USP31: variants seen among roughly 807,000 people sequenced by gnomAD.
The protein encoded by USP31 is ubiquitin specific peptidase 31.
Under a neutral mutation model 119.4 loss-of-function variants are expected in USP31, and 44 were observed. That is an observed-to-expected ratio of 0.37 (90% CI 0.29 to 0.47). The LOEUF is 0.47. Among genes scored for constraint, USP31 ranks in the 20% least tolerant of loss-of-function variants. USP31 has a pLI of 0.99. For synonymous variants in USP31, 749 were observed against 705.6 expected (o/e 1.06, Z -0.97); for missense variants, 1,643 against 1,730.2 (o/e 0.95, Z 0.89).
chr16:23,124,317 G>A (rs534681838), intron 1 of USP31, among the ~76,000 whole-genome samples: 17 of 152,210 alleles, frequency 1.1e-4, no homozygotes, highest in African/African-American at 4.1e-4. Context: ...ATATGATCAA[G>A]CCATCTAATC....
At chr16:23,079,872 C>T in intron 13 of USP31, 74 bp downstream of exon 13, 5 of 1,392,542 alleles carry the variant, frequency 3.6e-6, no homozygotes, top group Non-Finnish European at 4.8e-6. Flanking sequence ...GCTCTAAAGT[C>T]AAGTCACCCT....
chr16:23,096,249 G>A (rs1299103986), intron 6 of USP31, among the ~76,000 whole-genome samples: 1 of 152,002 alleles, frequency 6.6e-6, no homozygotes, highest in Non-Finnish European at 1.5e-5. Flanking sequence ...GAAAAAGAAG[G>A]CCATTACATA....
intron 12 of USP31, among the ~76,000 whole-genome samples, chr16:23,081,100 G>A (rs1008247630): frequency 6.6e-6 from 1 of 152,184 alleles, no homozygotes; most frequent in Non-Finnish European, 1.5e-5. Flanking sequence ...GCAAGAATGG[G>A]GAGGGGACAC....
intron 1 of USP31, among the ~76,000 whole-genome samples, chr16:23,125,842 A>C (rs1902834245): frequency 6.6e-6 from 1 of 152,260 alleles, no homozygotes; most frequent in African/African-American, 2.4e-5. Flanking sequence ...CTCCAGCTAC[A>C]GAGAGCCATA....
At chr16:23,099,292 T>C (rs1901748377) in intron 6 of USP31, among the ~76,000 whole-genome samples, 1 of 152,154 alleles carries the variant, frequency 6.6e-6, no homozygotes, top group African/African-American at 2.4e-5. Flanking sequence ...CCAATTAGAA[T>C]GGCAATCATT....
Position 23,083,578 on chromosome 16 carries a change from A to T in USP31, c.1831-1021T>A, listed in dbSNP as rs112263684. On this transcript the variant is annotated intron_variant, in intron 11 of 15. Coordinates refer to ENST00000219689, the MANE Select transcript of USP31 (RefSeq NM_020718.4). ...ATCCATTATCTTTGTGCCATTATCA[A>T]ACATCTCCAAAGTCATTAAAAAAAA... Among the ~76,000 whole-genome samples, 623 of 150,620 alleles carry T rather than the reference A, an allele frequency of 4.1e-3. 1 individual carries two copies. Among genetic ancestry groups the T allele is most frequent in the African/African-American group, 0.014 (588 of 40,790 alleles).
Position 23,062,330 on chromosome 16 carries a change from A to C in USP31, c.*5716T>G, listed in dbSNP as rs1185352775. 1 of 152,158 alleles carries C rather than the reference A, an allele frequency of 6.6e-6. No individual in the cohort carries two copies. The highest frequency in any genetic ancestry group is 1.5e-5 in the Non-Finnish European group (1 of 68,024). The allele number at this position is 152,158 out of a possible 1,614,324, so 9.4% of individuals were successfully genotyped here. On this transcript the variant is annotated 3_prime_UTR_variant, in exon 16 of 16. Transcript: ENST00000219689. Reference sequence around the variant, plus strand: ...TTACTTAATGGTAAAACAAACAAAAAACAAAACAAAACAAAAACACGAAAA... The same window carrying C: ...TTACTTAATGGTAAAACAAACAAAACACAAAACAAAACAAAAACACGAAAA...
chr16:23,061,592 AAATC>A lies in USP31; in HGVS notation c.*6450_*6453del. On this transcript the variant is annotated 3_prime_UTR_variant, in exon 16 of 16. Transcript: ENST00000219689. ...AATAAAACATACAAATAAATAACAG[AAATC>A]AGTGACACATCTCATGCACTTGTTC... 1 of 152,818 alleles carries A rather than the reference AAATC, an allele frequency of 6.5e-6. No individual in the cohort carries two copies. The highest frequency in any genetic ancestry group is 2.1e-4 in the South Asian group (1 of 4,824). 9.5% of individuals were successfully genotyped at this position (152,818 alleles called of 1,614,324 possible).
intron 1 of USP31, among the ~76,000 whole-genome samples, chr16:23,146,135 A>G (rs1216381851): frequency 1.3e-5 from 2 of 151,830 alleles, no homozygotes; most frequent in Admixed American, 1.3e-4. Context: ...ACATTTTGGA[A>G]AAGAGGAGAA....
intron 1 of USP31, among the ~76,000 whole-genome samples, chr16:23,137,218 A>C (rs1272354218): frequency 2.0e-5 from 3 of 151,924 alleles, no homozygotes; most frequent in Non-Finnish European, 4.4e-5. Flanking sequence ...GTCTCAAACA[A>C]ACAAACAAAA....
intron 13 of USP31, among the ~76,000 whole-genome samples, chr16:23,074,167 G>C (rs868113645): frequency 6.6e-6 from 1 of 152,094 alleles, no homozygotes; most frequent in Non-Finnish European, 1.5e-5. Flanking sequence ...TGTCTGTGGC[G>C]GGGGGAGTGG....
chr16:23,107,576 T>G (rs1318732384), intron 2 of USP31, among the ~76,000 whole-genome samples: 1 of 152,210 alleles, frequency 6.6e-6, no homozygotes, highest in Non-Finnish European at 1.5e-5. Context: ...TAAGACTACA[T>G]GTATAAAATT....
At position 23,096,916 on chromosome 16, in the gene USP31, A is replaced by G. The variant is rs1294588250; in HGVS notation, c.1234+5403T>C. Among the ~76,000 whole-genome samples, 3 of 152,218 alleles carry G rather than the reference A, an allele frequency of 2.0e-5. No individual in the cohort carries two copies. The South Asian group carries it at 6.2e-4, about 32-fold the overall frequency. ...AAAGATTTAAAATCAACACCTTAAC[A>G]TCACAATTAAAAGAACTAGAGAAGC... On this transcript the variant is annotated intron_variant, in intron 6 of 15. Coordinates refer to ENST00000219689, the MANE Select transcript of USP31 (RefSeq NM_020718.4).
At chr16:23,081,599 A>C (rs957805640) in intron 12 of USP31, among the ~76,000 whole-genome samples, 1 of 152,240 alleles carries the variant, frequency 6.6e-6, no homozygotes, top group African/African-American at 2.4e-5. Context: ...AATATCCAGA[A>C]TAATATTTTC....
chr16:23,117,751 C>CTTT (rs67615111), intron 1 of USP31, among the ~76,000 whole-genome samples: 9 of 141,612 alleles, frequency 6.4e-5, no homozygotes, highest in African/African-American at 2.0e-4. Context: ...TTTTCCTTTT[C>CTTT]TTTTTTTTTT....
intron 5 of USP31, among the ~76,000 whole-genome samples, chr16:23,104,023 G>A (rs896229474): frequency 2.0e-5 from 3 of 152,204 alleles, no homozygotes; most frequent in Non-Finnish European, 2.9e-5. Flanking sequence ...GCTCAGCCAC[G>A]CTGTCTAGTG....
intron 1 of USP31, among the ~76,000 whole-genome samples, chr16:23,141,661 GC>G: frequency 1.3e-5 from 2 of 152,302 alleles, no homozygotes; most frequent in Middle Eastern, 3.4e-3. Context: ...ACAGGCACAT[GC>G]CACCATGTCT....
At chr16:23,095,001 T>C (rs1215165119) in intron 6 of USP31, among the ~76,000 whole-genome samples, 1 of 152,180 alleles carries the variant, frequency 6.6e-6, no homozygotes, top group Admixed American at 6.5e-5. Context: ...GGATGGAGAA[T>C]GACTTTGATG....
chr16:23,063,253 T>C lies in USP31; in HGVS notation c.*4793A>G, dbSNP rs1899924448. 1 of 152,218 alleles carries C rather than the reference T, an allele frequency of 6.6e-6. No individual in the cohort carries two copies. The highest frequency in any genetic ancestry group is 2.1e-4 in the South Asian group (1 of 4,828). The allele number at this position is 152,218 out of a possible 1,614,324, so 9.4% of individuals were successfully genotyped here. A position where few individuals can be genotyped will look rare whatever the true frequency, so the allele number is the denominator to read the frequency against. On this transcript the variant is annotated 3_prime_UTR_variant, in exon 16 of 16. Transcript: ENST00000219689. ...CAAAAATTGGGAAACACTAAACAAA[T>C]GTAAGATGGATCTAGAACCGAATCC... is the stretch of plus-strand genomic sequence containing the variant.
Sources: allele counts gnomAD v4.1 joint callset (sites outside exome capture counted in the v4.1 genomes callset), GRCh38; gene constraint gnomAD v4.1.1; transcripts MANE v1.5; gene names NCBI Gene and HGNC (gene_info 2026-07-23, HGNC 2026-07-21).